The following MINK1 variants were observed in gnomAD, a reference collection of about 807,000 sequenced individuals.
MINK1 encodes the protein misshapen-like kinase 1.
Under a neutral mutation model 178.4 loss-of-function variants are expected in MINK1, and 46 were observed. The observed-to-expected ratio is 0.26, with a 90% CI of 0.20 to 0.33. MINK1 has a LOEUF of 0.33. MINK1 is among the 10% of genes least tolerant of loss of function. The pLI, the probability that MINK1 is intolerant of heterozygous loss-of-function variation, is 1.00. For missense variants in MINK1, 1,366 were observed against 1,814.9 expected, an observed-to-expected ratio of 0.75 and a Z score of 4.49; for synonymous variants, 797 against 709.7, an observed-to-expected ratio of 1.12 and a Z score of -1.96.
chr17:4,845,461 G>A (rs924200157), intron 1 of MINK1, among the ~76,000 whole-genome samples: 3 of 152,078 alleles, frequency 2.0e-5, no homozygotes, highest in Non-Finnish European at 2.9e-5. Context: ...TTTAGGGGAT[G>A]AAGATCATAG....
chr17:4,878,783 G>A (rs1967432156), intron 2 of MINK1, among the ~76,000 whole-genome samples: 1 of 152,230 alleles, frequency 6.6e-6, no homozygotes, highest in Non-Finnish European at 1.5e-5. Context: ...GACCTAATGG[G>A]TGGCCTTCTG....
intron 1 of MINK1, among the ~76,000 whole-genome samples, chr17:4,840,303 T>C (rs1408442926): frequency 1.3e-5 from 2 of 152,092 alleles, no homozygotes; most frequent in African/African-American, 4.8e-5. Flanking sequence ...TGGTCAACAA[T>C]TGAGGGCAAG....
At chr17:4,849,213 AACTCCTGTTTGTCCTG>A (rs1371194680) in intron 1 of MINK1, among the ~76,000 whole-genome samples, 1 of 152,068 alleles carries the variant, frequency 6.6e-6, no homozygotes, top group African/African-American at 2.4e-5. Flanking sequence ...CTGAACACGA[AACTCCTGTTTGTCCTG>A]ACTCAGGAAT....
intron 4 of MINK1, 28 bp from the exon 5 acceptor site, chr17:4,884,335 T>C: frequency 1.3e-6 from 2 of 1,592,496 alleles, no homozygotes; most frequent in Non-Finnish European, 1.7e-6. Context: ...CTGATACTTT[T>C]CCTTTCGGTA....
Position 4,889,074 on chromosome 17 carries a change from C to A in MINK1, c.1231-573C>A, listed in dbSNP as rs146988664. Among the ~76,000 whole-genome samples, 122 of 152,240 alleles carry A rather than the reference C, an allele frequency of 8.0e-4. 1 individual carries two copies. The East Asian group carries it at 0.02, about 24-fold the overall frequency. On this transcript the variant is annotated intron_variant, in intron 12 of 31. Transcript: ENST00000355280. ...TTCATTGCAGAAGTAGGCACAAGTT[C>A]CCTCAAGTGTAAGGGTCCCTCAGGG...
chr17:4,880,560 T>G (rs373738160), intron 2 of MINK1, among the ~76,000 whole-genome samples: 16 of 148,514 alleles, frequency 1.1e-4, no homozygotes, highest in Middle Eastern at 3.5e-3. Flanking sequence ...GTGTTGGGAT[T>G]ACAGGCATGA....
intron 1 of MINK1, among the ~76,000 whole-genome samples, chr17:4,858,718 C>T (rs1218031272): frequency 6.6e-6 from 1 of 152,062 alleles, no homozygotes; most frequent in East Asian, 1.9e-4. Flanking sequence ...CACAAGTTCC[C>T]ATTCTCTTTC....
chr17:4,869,719 T>C (rs1915605144), intron 1 of MINK1, among the ~76,000 whole-genome samples: 1 of 151,416 alleles, frequency 6.6e-6, no homozygotes, highest in African/African-American at 2.4e-5. Flanking sequence ...GTATAAGAGT[T>C]CCCCTTTCTC....
chr17:4,891,315 A>T, intron 15 of MINK1, 141 bp from the exon 16 acceptor site: 1 of 1,264,886 alleles, frequency 7.9e-7, no homozygotes, highest in Non-Finnish European at 1.1e-6. Context: ...GTCCTGACTT[A>T]GCTGTCATCA....
At chr17:4,892,346 C>T (rs1365316591) in intron 17 of MINK1, 56 bp from the exon 18 acceptor site, 4 of 1,464,480 alleles carry the variant, frequency 2.7e-6, no homozygotes, top group Non-Finnish European at 3.7e-6. Context: ...AGCCCCAGCC[C>T]CATCACCTCA....
At chr17:4,884,816 A>G (rs967791169) in intron 5 of MINK1, 96 bp from the exon 6 acceptor site, 8 of 1,086,646 alleles carry the variant, frequency 7.4e-6, no homozygotes, top group African/African-American at 1.6e-5. Flanking sequence ...AGCCCTGTCC[A>G]GACTGACTGC....
chr17:4,893,648 G>A (rs1158316753), intron 21 of MINK1, 51 bp downstream of exon 21: 18 of 1,495,572 alleles, frequency 1.2e-5, no homozygotes, highest in Non-Finnish European at 1.5e-5. Flanking sequence ...GGGAGGGAGG[G>A]GAAGTGGCAG....
rs1162714988 is a variant in MINK1, at chr17:4,887,616, C to T, written c.1056C>T (p.Arg352=). ...ACGTGCCTGGAGAGTCGACTCTACGCCGGGAGTTTCTCCGGCTCCAGCAGG... is the reference window on the plus strand; with the variant it reads ...ACGTGCCTGGAGAGTCGACTCTACGTCGGGAGTTTCTCCGGCTCCAGCAGG... ...IMNVPGESTL[R]REFLRLQQEN... Residue 352 remains arginine, a synonymous_variant, in exon 12 of 32, where the codon CGC becomes CGT. Coordinates refer to ENST00000355280, the MANE Select transcript of MINK1 (RefSeq NM_153827.5). This position sits in a 1 kb window ranked among gnomAD's most constrained non-coding sequence, Gnocchi z 7.6. The T allele has an allele frequency of 3.2e-6, 5 of 1,564,472 alleles. No individual in the cohort carries two copies. The Admixed American group carries it at 9.8e-5, about 31-fold the overall frequency.
intron 1 of MINK1, among the ~76,000 whole-genome samples, chr17:4,856,124 ATC>A (rs1290201284): frequency 6.6e-6 from 1 of 152,076 alleles, no homozygotes; most frequent in East Asian, 1.9e-4. Flanking sequence ...GGAACATTTA[ATC>A]TGTCTCATGC....
intron 1 of MINK1, among the ~76,000 whole-genome samples, chr17:4,835,517 C>T (rs1206628629): frequency 6.6e-6 from 1 of 152,216 alleles, no homozygotes. Context: ...ATCCCAGCTA[C>T]TCAGGAGGCT....
chr17:4,889,605 A>T, intron 12 of MINK1, 42 bp from the exon 13 acceptor site: 1 of 1,508,516 alleles, frequency 6.6e-7, no homozygotes. Flanking sequence ...TGCTGACGCG[A>T]TGTCCGGTAT....
At chr17:4,870,601 G>A (rs1696265338) in intron 1 of MINK1, among the ~76,000 whole-genome samples, 2 of 152,010 alleles carry the variant, frequency 1.3e-5, no homozygotes, top group Admixed American at 1.3e-4. Flanking sequence ...AAGGCGGGCG[G>A]ATCACTTGAA....
In MINK1 at chr17:4,892,685, G is replaced by A; in HGVS notation, c.2228G>A (p.Gly743Asp). The change falls in exon 19 of 32, where the codon GGC (glycine) becomes GAC (aspartate). Residue 743 changes from glycine (G) to aspartate (D), a missense_variant. Around this residue, in one of 14 missense-constraint regions of MINK1, gnomAD observed 709 missense variants for 692.3 expected, o/e 1.02. Coordinates refer to ENST00000355280, the MANE Select transcript of MINK1 (RefSeq NM_153827.5). ...CCCGACCTCAGGAGGAGCGACCCTG[G>A]CTGGGAACGCTCGGACAGCGTCCTT... ...SNPDLRRSDP[G>D]WERSDSVLPA... 6.2e-7 allele frequency: 1 copy of A among 1,611,174 alleles called. No individual in the cohort carries two copies. The highest frequency in any genetic ancestry group is 8.5e-7 in the Non-Finnish European group (1 of 1,179,034).
intron 14 of MINK1, 94 bp downstream of exon 14, chr17:4,890,829 A>G: frequency 6.6e-7 from 1 of 1,513,530 alleles, no homozygotes; most frequent in Non-Finnish European, 8.9e-7. Context: ...AGCAGGCACC[A>G]AGTAGGGGAA....
Sources: gnomAD v4.1 joint callset for allele counts (sites outside exome capture counted in the v4.1 genomes callset) on GRCh38, gnomAD v4.1.1 for gene constraint, gnomAD v4.1.1 regional missense constraint, Gnocchi (gnomAD v3.1) non-coding constraint, MANE v1.5 for transcripts, NCBI Gene and HGNC (gene_info 2026-07-23, HGNC 2026-07-21) for gene names.